KRT75: variants seen among roughly 807,000 people sequenced by gnomAD.
KRT75 encodes the protein keratin 75.
A neutral mutation model predicts 48.8 loss-of-function variants in KRT75; 35 were observed. The observed-to-expected ratio is 0.72, with a 90% CI of 0.55 to 0.95. The LOEUF (loss-of-function observed/expected upper bound fraction) is 0.95. Among genes scored for constraint, KRT75 ranks in the 40% least tolerant of loss-of-function variants. The pLI is 0.00. For missense variants in KRT75, 776 were observed against 709.9 expected, an observed-to-expected ratio of 1.09 and a Z score of -1.06; for synonymous variants, 301 against 282.3, an observed-to-expected ratio of 1.07 and a Z score of -0.66.
intron 3 of KRT75, among the ~76,000 whole-genome samples, 160 bp downstream of exon 3, chr12:52,431,846 C>T (rs1469143619): frequency 6.6e-6 from 1 of 152,106 alleles, no homozygotes; most frequent in African/African-American, 2.4e-5. Flanking sequence ...GCTAATGGGG[C>T]CATCAACGTA....
rs200222543 is a variant in KRT75 at position 52,431,578 on chromosome 12, C to T, written c.835G>A (p.Glu279Lys). The change falls in exon 4 of 9, where the codon GAG becomes AAG. Residue 279 changes from glutamate (E) to lysine (K), a missense_variant. By Grantham distance (56) the Glu-to-Lys change is moderately conservative. Coordinates refer to ENST00000252245, the MANE Select transcript of KRT75 (RefSeq NM_004693.3). ...ELEAKVKSLP[E>K]EINFIHSVFD... ...ACTGAGTGGATGAAGTTGATCTCCT[C>T]GGGCAGAGATTTGACCTTGGCTTCC... 5.6e-6 allele frequency: 9 copies of T among 1,613,824 alleles called. No individual in the cohort carries two copies. The highest frequency in any genetic ancestry group is 3.3e-5 in the Admixed American group (2 of 60,002).
rs745559835 is a variant in KRT75 at position 52,428,348 on chromosome 12, G to A, written c.1290C>T (p.Leu430=). The change falls in exon 7 of 9, where the codon CTC becomes CTT. Residue 430 remains leucine, a synonymous_variant. Coordinates refer to ENST00000252245, the MANE Select transcript of KRT75 (RefSeq NM_004693.3). ...LQKAKQDMAR[L]LREYQELMNI... The stretch of plus-strand genomic sequence containing the variant: ...TCATCAGCTCCTGGTACTCACGCAG[G>A]AGCCGAGCCATGTCCTGCTTGGCCT... The A allele has an allele frequency of 1.9e-6, 3 of 1,613,796 alleles. No individual in the cohort carries two copies. Among genetic ancestry groups the A allele is most frequent in the Non-Finnish European group, 2.5e-6 (3 of 1,179,996 alleles).
chr12:52,426,777 A>G, intron 8 of KRT75, 40 bp downstream of exon 8: 1 of 1,607,408 alleles, frequency 6.2e-7, no homozygotes, highest in Non-Finnish European at 8.5e-7. Flanking sequence ...CCCCTCTACC[A>G]CACACACTCC....
At chr12:52,428,197 C>T (rs1940096584) in intron 7 of KRT75, 59 bp downstream of exon 7, 1 of 1,603,748 alleles carries the variant, frequency 6.2e-7, no homozygotes, top group African/African-American at 1.3e-5. Flanking sequence ...CTAGGAATGC[C>T]CAGGAAGCTG....
At chr12:52,426,884 C>T in intron 7 of KRT75, 33 bp from the exon 8 acceptor site, 1 of 1,608,380 alleles carries the variant, frequency 6.2e-7, no homozygotes, top group Non-Finnish European at 8.5e-7. Context: ...AGGAAGGTTA[C>T]CAATGTGGCC....
rs747148123 is a variant in KRT75 at position 52,433,206 on chromosome 12, G to T, written c.545C>A (p.Ala182Asp). The T allele has an allele frequency of 1.2e-6, 2 of 1,614,064 alleles. No homozygotes were observed. Among genetic ancestry groups the T allele is most frequent in the Non-Finnish European group, 1.7e-6 (2 of 1,180,000 alleles). ...CCTGGAGCCCTGCTCCTGCAGGAGG[G>T]CCCACTTGGTCTCCAGGACCTTGTT... Reference protein sequence around the residue: ...QQNKVLETKWALLQEQGSRTV... With the variant: ...QQNKVLETKWDLLQEQGSRTV... Residue 182 changes from alanine (A) to aspartate (D), a missense_variant, in exon 2 of 9, where the codon GCC (alanine) becomes GAC (aspartate). Transcript: ENST00000252245.
rs1940048800 is a variant in KRT75 at position 52,424,251 on chromosome 12, C to T, written c.*266G>A. The T allele has an allele frequency of 1.3e-5, 7 of 523,908 alleles. No homozygotes were observed. Among genetic ancestry groups the T allele is most frequent in the South Asian group, 1.2e-4 (6 of 49,200 alleles). The allele number at this position is 523,908 out of a possible 1,614,324, so 32.5% of individuals were successfully genotyped here. On this transcript the variant is annotated 3_prime_UTR_variant, in exon 9 of 9. Coordinates refer to ENST00000252245, the MANE Select transcript of KRT75 (RefSeq NM_004693.3). Reference sequence around the variant, plus strand: ...GAGCTGGAGGAGGACTTTCCAGCTGCCCGGGCCTCGCAAGATAGGCTGAAT... The same window carrying T: ...GAGCTGGAGGAGGACTTTCCAGCTGTCCGGGCCTCGCAAGATAGGCTGAAT...
Position 52,428,415 on chromosome 12 carries a change from T to A in KRT75, c.1223A>T (p.Asp408Val). The change falls in exon 7 of 9, where the codon GAT (aspartate) becomes GTT (valine). Residue 408 changes from aspartate (D) to valine (V), a missense_variant. By Grantham distance (152) the Asp-to-Val change is radical. Coordinates refer to ENST00000252245, the MANE Select transcript of KRT75 (RefSeq NM_004693.3). The part of the protein sequence containing the change: ...AEQRGELALK[D>V]ARAKLVDLEE... ...AAGGTCCACCAGCTTGGCCCGTGCA[T>A]CCTTGAGAGCCAGTTCTCCCCGCTG... is the stretch of plus-strand genomic sequence containing the variant. 4 of 1,614,130 alleles carry A rather than the reference T, an allele frequency of 2.5e-6. No individual in the cohort carries two copies. The highest frequency in any genetic ancestry group is 2.5e-6 in the Non-Finnish European group (3 of 1,180,020).
chr12:52,425,175 G>A (rs969892337), intron 8 of KRT75, among the ~76,000 whole-genome samples: 4 of 152,172 alleles, frequency 2.6e-5, no homozygotes, highest in Non-Finnish European at 5.9e-5. Flanking sequence ...CAGAATCCCA[G>A]GGTGGAGGCT....
In KRT75 at chr12:52,433,124, C is replaced by T. The variant is rs564295588; in HGVS notation, c.627G>A (p.Arg209=). 3 of 1,608,456 alleles carry T rather than the reference C, an allele frequency of 1.9e-6. No individual in the cohort carries two copies. The highest frequency in any genetic ancestry group is 1.4e-5 in the African/African-American group (1 of 73,106). The change falls in exon 2 of 9, where the codon CGG becomes CGA. Residue 209 remains arginine (R), a synonymous_variant. Transcript: ENST00000252245. ...TCTCGGTGGTGATGCTTTCCAGCTG[C>T]CGTCGGAGCTCACTGGTATAGGAAT... The part of the protein sequence containing the change: ...LFDSYTSELR[R]QLESITTERG...
chr12:52,431,889 G>T, intron 3 of KRT75, 117 bp downstream of exon 3: 1 of 995,568 alleles, frequency 1.0e-6, no homozygotes, highest in Non-Finnish European at 1.6e-6. Flanking sequence ...GAACTCTGCA[G>T]ATATTCTCAA....
intron 2 of KRT75, 92 bp downstream of exon 2, chr12:52,432,946 A>T (rs1940163387): frequency 7.7e-7 from 1 of 1,296,152 alleles, no homozygotes; most frequent in Admixed American, 1.7e-5. Flanking sequence ...CTCCCGGCTG[A>T]TATCGGCATT....
In KRT75 at chr12:52,432,102, A is replaced by G. The variant is rs770864162; in HGVS notation, c.714-36T>C. On this transcript the variant is annotated intron_variant, in intron 2 of 8. Transcript: ENST00000252245. ...AGAGCGGGGGGTGTGCTGTTGAGCA[A>G]GTCTGCATTGAACTCTTTCCAGGCT... is the stretch of plus-strand genomic sequence containing the variant. 5 of 1,608,924 alleles carry G rather than the reference A, an allele frequency of 3.1e-6. No homozygotes were observed. In the South Asian group the frequency reaches 5.5e-5, roughly 18 times the overall value.
At chr12:52,428,881 G>A (rs1940109023) in intron 5 of KRT75, 138 bp from the exon 6 acceptor site, 1 of 1,004,554 alleles carries the variant, frequency 1.0e-6, no homozygotes, top group South Asian at 1.3e-5. Context: ...GAAGCTTACA[G>A]TTTATTGGGG....
chr12:52,432,006 C>A lies in KRT75; in HGVS notation c.774G>T (p.Lys258Asn). Reference sequence around the variant, plus strand: ...CTTTGAGAGAAACATCCCCACTCACCTTTTTCAGGGCTACAAATTCATTCT... The same window carrying A: ...CTTTGAGAGAAACATCCCCACTCACATTTTTCAGGGCTACAAATTCATTCT... ...AAENEFVALK[K>N]DVDAAYMNKV... The change falls in exon 3 of 9, where the codon AAG becomes AAT. Residue 258 changes from lysine (K) to asparagine (N), a missense_variant and splice_region_variant. Physicochemically the swap from Lys to Asn is moderately conservative, Grantham distance 94. Transcript: ENST00000252245. The A allele has an allele frequency of 7.4e-6, 12 of 1,614,106 alleles. No individual in the cohort carries two copies. Among genetic ancestry groups the A allele is most frequent in the Non-Finnish European group, 9.3e-6 (11 of 1,179,966 alleles).
intron 8 of KRT75, 42 bp downstream of exon 8, chr12:52,426,775 C>T (rs771739782): frequency 1.2e-6 from 2 of 1,604,532 alleles, no homozygotes; most frequent in Non-Finnish European, 1.7e-6. Context: ...ATCCCCTCTA[C>T]CACACACACT....
chr12:52,433,748 G>C, intron 1 of KRT75, 59 bp downstream of exon 1: 2 of 1,611,048 alleles, frequency 1.2e-6, no homozygotes. Flanking sequence ...CCATGGGATG[G>C]CCCTTCCAAG....
rs767073815 is a variant in KRT75, at chr12:52,433,270, G to A, written c.499-18C>T. ...AACCTCACCTGGAGGGAAGAAGAGA[G>A]AATGAAACCTTGAGAAGTTGGAGAG... is the stretch of plus-strand genomic sequence containing the variant. On this transcript the variant is annotated intron_variant, in intron 1 of 8. Coordinates refer to ENST00000252245, the MANE Select transcript of KRT75 (RefSeq NM_004693.3). 6.2e-7 allele frequency: 1 copy of A among 1,604,972 alleles called. No individual in the cohort carries two copies. The highest frequency in any genetic ancestry group is 8.5e-7 in the Non-Finnish European group (1 of 1,171,998).
chr12:52,424,779 G>A lies in KRT75; in HGVS notation c.1418-24C>T. ...AGCTGCCGGGAAGAGAGGAGGTGTG[G>A]TCAGATCAAGTGCAAGCGAGAAGAC... On this transcript the variant is annotated intron_variant, in intron 8 of 8. Coordinates refer to ENST00000252245, the MANE Select transcript of KRT75 (RefSeq NM_004693.3). 3.2e-6 allele frequency: 5 copies of A among 1,558,290 alleles called. No homozygotes were observed. The African/African-American group carries it at 5.4e-5, about 17-fold the overall frequency.
Sources: allele counts gnomAD v4.1 joint callset (sites outside exome capture counted in the v4.1 genomes callset), GRCh38; gene constraint gnomAD v4.1.1; transcripts MANE v1.5; gene names NCBI Gene and HGNC (gene_info 2026-07-23, HGNC 2026-07-21).